Variants in WDR64 observed in about 807,000 individuals in gnomAD.
WDR64 encodes WD repeat domain 64.
A neutral mutation model predicts 139.3 loss-of-function variants in WDR64; 112 were observed. The ratio of observed to expected loss-of-function variants is 0.80; its 90% CI spans 0.69 to 0.94. The LOEUF (loss-of-function observed/expected upper bound fraction) is 0.94, where lower values mean the gene tolerates loss of function less well. WDR64 is among the 40% of genes least tolerant of loss of function. The probability of loss-of-function intolerance (pLI) is 0.00; values close to 1 mark genes in which losing one functional copy is unlikely to be tolerated. For missense variants in WDR64, 1,206 were observed against 1,293.1 expected (o/e 0.93, Z 1.03); for synonymous variants, 444 against 437.7 (o/e 1.01, Z -0.18).
At chr1:241,798,394 C>A (rs1437645060) in intron 27 of WDR64, among the ~76,000 whole-genome samples, 1 of 152,050 alleles carries the variant, frequency 6.6e-6, no homozygotes, top group Non-Finnish European at 1.5e-5. Context: ...ACAATTAAGA[C>A]CAATTGTGCA....
rs751691257 is a variant in WDR64 at position 241,787,803 on chromosome 1, C to T, written c.2706-46C>T. Reference sequence around the variant, plus strand: ...ATCTAATGAACAGAATAACTTTGACCAAATTTTCCAGTTACTTTTTCCTCC... The same window carrying T: ...ATCTAATGAACAGAATAACTTTGACTAAATTTTCCAGTTACTTTTTCCTCC... On this transcript the variant is annotated intron_variant, in intron 23 of 27. Coordinates refer to ENST00000437684, the MANE Select transcript of WDR64 (RefSeq NM_001367482.1). The T allele has an allele frequency of 4.6e-6, 7 of 1,509,618 alleles. No homozygotes were observed. The African/African-American group carries it at 5.7e-5, about 12-fold the overall frequency. 93.5% of individuals were successfully genotyped at this position (1,509,618 alleles called of 1,614,324 possible).
At chr1:241,774,381 T>C (rs901036015) in intron 20 of WDR64, among the ~76,000 whole-genome samples, 1 of 152,220 alleles carries the variant, frequency 6.6e-6, no homozygotes, top group Non-Finnish European at 1.5e-5. Flanking sequence ...ATGCCCTTTT[T>C]CTTTCTAATA....
intron 4 of WDR64, among the ~76,000 whole-genome samples, 187 bp downstream of exon 4, chr1:241,674,934 TCCCTCCCTCC>T: frequency 8.2e-5 from 3 of 36,396 alleles, no homozygotes; most frequent in African/African-American, 1.6e-4. Context: ...CTTTCCTTCC[TCCCTCCCTCC>T]TTCCTTCCTC....
At chr1:241,675,031 CCCTCCTTCTTCTTTCCTTCCTTTT>C (rs1558465884) in intron 4 of WDR64, among the ~76,000 whole-genome samples, 2 of 25,322 alleles carry the variant, frequency 7.9e-5, no homozygotes, top group Non-Finnish European at 2.0e-4. Context: ...TTCCTTCCCT[CCCTCCTTCTTCTTTCCTTCCTTTT>C]CTCCCTTCCT....
intron 8 of WDR64, among the ~76,000 whole-genome samples, chr1:241,702,916 T>C (rs188178359): frequency 6.6e-6 from 1 of 152,298 alleles, no homozygotes; most frequent in African/African-American, 2.4e-5. Context: ...ATCTACAATA[T>C]TTGTTATCTT....
At chr1:241,723,468 G>C in intron 10 of WDR64, 32 bp downstream of exon 10, 1 of 1,604,662 alleles carries the variant, frequency 6.2e-7, no homozygotes, top group Non-Finnish European at 8.5e-7. Flanking sequence ...AACAAAACTA[G>C]TTTTTTCCGG....
chr1:241,723,308 G>T lies in WDR64; in HGVS notation c.1066G>T (p.Val356Phe). ...GTCCTCCTTTTCAGGAGATGATAAG[G>T]TCATCCGGTTGTGGCACCCCAATAT... ...NVIVTGGDDK[V>F]IRLWHPNIST... The change falls in exon 10 of 28, where the codon GTC becomes TTC. Residue 356 changes from valine (V) to phenylalanine (F), a missense_variant. Coordinates refer to ENST00000437684, the MANE Select transcript of WDR64 (RefSeq NM_001367482.1). The T allele has an allele frequency of 6.2e-7, 1 of 1,613,780 alleles. No homozygotes were observed. Among genetic ancestry groups the T allele is most frequent in the South Asian group, 1.1e-5 (1 of 91,018 alleles).
chr1:241,761,096 C>G (rs1657866707), intron 15 of WDR64, among the ~76,000 whole-genome samples: 1 of 152,256 alleles, frequency 6.6e-6, no homozygotes, highest in East Asian at 1.9e-4. Context: ...CTGCCTATTT[C>G]CCCACAGCCT....
intron 27 of WDR64, 116 bp from the exon 28 acceptor site, chr1:241,801,016 T>G (rs1659508104): frequency 1.3e-6 from 1 of 772,812 alleles, no homozygotes; most frequent in African/African-American, 1.7e-5. Context: ...TAACTATTCA[T>G]TTTTTTTCTA....
At chr1:241,775,318 T>A in intron 21 of WDR64, 108 bp downstream of exon 21, 1 of 784,184 alleles carries the variant, frequency 1.3e-6, no homozygotes, top group Non-Finnish European at 2.0e-6. Context: ...AAAGAGAGAC[T>A]AAGAGGTATG....
intron 14 of WDR64, among the ~76,000 whole-genome samples, chr1:241,753,770 CA>C (rs1346251220): frequency 1.3e-5 from 2 of 151,840 alleles, no homozygotes; most frequent in African/African-American, 2.4e-5. Flanking sequence ...CAATAGCAAA[CA>C]AAAGTATAAG....
At chr1:241,692,035 A>T (rs1042577291) in intron 8 of WDR64, among the ~76,000 whole-genome samples, 1 of 152,010 alleles carries the variant, frequency 6.6e-6, no homozygotes, top group Non-Finnish European at 1.5e-5. Flanking sequence ...AAATAAAAAA[A>T]AAAAAAAGAA....
intron 14 of WDR64, among the ~76,000 whole-genome samples, chr1:241,754,929 C>T (rs1670125466): frequency 6.6e-6 from 1 of 152,106 alleles, no homozygotes; most frequent in South Asian, 2.1e-4. Context: ...CACAGTATTC[C>T]ATGTTGTATA....
chr1:241,695,945 C>T (rs769980306), intron 8 of WDR64, among the ~76,000 whole-genome samples: 6 of 151,332 alleles, frequency 4.0e-5, no homozygotes, highest in Admixed American at 2.6e-4. Context: ...GAGATCCTGT[C>T]GCTACAAATA....
At chr1:241,675,055 T>C (rs1468104718) in intron 4 of WDR64, among the ~76,000 whole-genome samples, 7 of 23,706 alleles carry the variant, frequency 3.0e-4, no homozygotes, top group South Asian at 2.1e-3. Flanking sequence ...TCCTTCCTTT[T>C]CTCCCTTCCT....
chr1:241,699,106 G>T (rs1341024217), intron 8 of WDR64, among the ~76,000 whole-genome samples: 1 of 152,136 alleles, frequency 6.6e-6, no homozygotes, highest in Non-Finnish European at 1.5e-5. Context: ...CTCCCACAGG[G>T]TCCCTCCTAT....
chr1:241,788,920 C>A (rs568024772), intron 24 of WDR64, among the ~76,000 whole-genome samples: 1 of 152,074 alleles, frequency 6.6e-6, no homozygotes, highest in Non-Finnish European at 1.5e-5. Context: ...TTACTTTGGG[C>A]AATTGCTTAG....
At chr1:241,726,750 CAT>C (rs1668858923) in intron 10 of WDR64, among the ~76,000 whole-genome samples, 1 of 151,920 alleles carries the variant, frequency 6.6e-6, no homozygotes, top group Admixed American at 6.6e-5. Context: ...ACGTGTCTAT[CAT>C]ATGTTATTGG....
intron 23 of WDR64, among the ~76,000 whole-genome samples, chr1:241,785,486 A>G (rs1659003307): frequency 6.6e-6 from 1 of 152,186 alleles, no homozygotes; most frequent in African/African-American, 2.4e-5. Flanking sequence ...TTTCACATCA[A>G]TATCACCACT....
Sources: gnomAD v4.1 joint callset for allele counts (sites outside exome capture counted in the v4.1 genomes callset) on GRCh38, gnomAD v4.1.1 for gene constraint, MANE v1.5 for transcripts, NCBI Gene and HGNC (gene_info 2026-07-23, HGNC 2026-07-21) for gene names.